CAST: variants seen among roughly 807,000 people sequenced by gnomAD.
CAST encodes the protein MIR583 host.
Under a neutral mutation model 119.6 loss-of-function variants are expected in CAST, and 76 were observed. The observed-to-expected ratio is 0.64, with a 90% CI of 0.53 to 0.77. CAST has a LOEUF of 0.77. Among genes scored for constraint, CAST ranks in the 30% least tolerant of loss-of-function variants. The pLI is 0.00. For missense variants in CAST, 953 were observed against 946.5 expected (o/e 1.01, Z -0.09); for synonymous variants, 319 against 331.6 (o/e 0.96, Z 0.41).
chr5:96,331,898 T>C, the CAST span, among the ~76,000 whole-genome samples: 1 of 152,236 alleles, frequency 6.6e-6, no homozygotes, highest in Admixed American at 6.5e-5. Context: ...GATGGGGATA[T>C]AATCATTCAT....
the CAST span, among the ~76,000 whole-genome samples, chr5:95,987,009 C>T: frequency 6.6e-6 from 1 of 152,120 alleles, no homozygotes; most frequent in Non-Finnish European, 1.5e-5. Flanking sequence ...AGTGTTCCCA[C>T]CTCTAGAAAT....
chr5:96,047,961 C>G, the CAST span, among the ~76,000 whole-genome samples: 8 of 152,044 alleles, frequency 5.3e-5, no homozygotes, highest in African/African-American at 1.9e-4. Flanking sequence ...ACAACATGTG[C>G]AAAGCCAAGT....
the CAST span, chr5:96,394,922 G>A: frequency 6.2e-7 from 1 of 1,614,124 alleles, no homozygotes; most frequent in Non-Finnish European, 8.5e-7. Context: ...AGTGTTGTAG[G>A]ACGTGTACAC....
At chr5:96,021,468 T>C in the CAST span, among the ~76,000 whole-genome samples, 21 of 151,794 alleles carry the variant, frequency 1.4e-4, no homozygotes, top group Admixed American at 2.0e-4. Flanking sequence ...TTTTTTGAGA[T>C]GGAGTCTCGC....
At chr5:96,440,173 C>G in the CAST span, among the ~76,000 whole-genome samples, 1 of 115,346 alleles carries the variant, frequency 8.7e-6, no homozygotes, top group Non-Finnish European at 1.8e-5. Flanking sequence ...GTTTATCCCA[C>G]CTTTTTTTTT....
the CAST span, among the ~76,000 whole-genome samples, chr5:96,349,432 G>T: frequency 6.6e-6 from 1 of 151,818 alleles, no homozygotes; most frequent in Admixed American, 6.6e-5. Flanking sequence ...TTAGCCTTTG[G>T]ATGCAACACA....
At chr5:96,469,413 G>T in the CAST span, among the ~76,000 whole-genome samples, 1 of 151,998 alleles carries the variant, frequency 6.6e-6, no homozygotes, top group African/African-American at 2.4e-5. Context: ...AAAATATGAA[G>T]TGGTCTCCTT....
chr5:96,679,489 C>G (rs1751090286), intron 2 of CAST: 1 of 152,174 alleles, frequency 6.6e-6, no homozygotes, highest in African/African-American at 2.4e-5. Flanking sequence ...ATGAAACTGA[C>G]ACATCCGGCC....
At chr5:95,992,700 G>A in the CAST span, among the ~76,000 whole-genome samples, 1 of 152,106 alleles carries the variant, frequency 6.6e-6, no homozygotes, top group East Asian at 1.9e-4. Context: ...TAGTGATAAT[G>A]CCAATGTTGG....
At chr5:96,571,459 T>C (rs1377657736) in intron 1 of CAST, among the ~76,000 whole-genome samples, 7 of 152,246 alleles carry the variant, frequency 4.6e-5, no homozygotes, top group Admixed American at 4.6e-4. Context: ...TCATAGTTAT[T>C]GATGGGGCTT....
the CAST span, chr5:96,433,128 C>A: frequency 7.7e-7 from 1 of 1,292,474 alleles, no homozygotes; most frequent in Non-Finnish European, 1.1e-6. Flanking sequence ...CTCCCCCTTC[C>A]CACCCTCGGG....
intron 1 of CAST, among the ~76,000 whole-genome samples, chr5:96,604,615 A>C (rs894005025): frequency 1.3e-5 from 2 of 152,236 alleles, no homozygotes; most frequent in Admixed American, 6.5e-5. Context: ...GAGTGAACAA[A>C]TGCTAAAGGA....
chr5:96,655,054 TA>T (rs1420174516), intron 1 of CAST, among the ~76,000 whole-genome samples: 2 of 152,252 alleles, frequency 1.3e-5, no homozygotes, highest in Non-Finnish European at 2.9e-5. Flanking sequence ...TGCTATTTTA[TA>T]AATACATTGT....
At chr5:96,562,242 G>C (rs1561417399) in intron 1 of CAST, among the ~76,000 whole-genome samples, 1 of 151,790 alleles carries the variant, frequency 6.6e-6, no homozygotes, top group East Asian at 1.9e-4. Context: ...AAACTCAAGA[G>C]AAATGACAAC....
the CAST span, among the ~76,000 whole-genome samples, chr5:96,516,285 T>G: frequency 6.6e-6 from 1 of 152,190 alleles, no homozygotes; most frequent in East Asian, 1.9e-4. Flanking sequence ...ACCAATACAT[T>G]GCTCTGTTCA....
intron 1 of CAST, among the ~76,000 whole-genome samples, chr5:96,537,184 G>C (rs1162088282): frequency 6.6e-6 from 1 of 152,186 alleles, no homozygotes; most frequent in Non-Finnish European, 1.5e-5. Flanking sequence ...CCCTTGCTGA[G>C]CTCTGTCCCA....
At chr5:96,454,809 C>G in the CAST span, among the ~76,000 whole-genome samples, 139 of 152,340 alleles carry the variant, frequency 9.1e-4, no homozygotes, top group Non-Finnish European at 1.5e-3. Flanking sequence ...CCCTTTTCTA[C>G]CCTTCCAATA....
chr5:96,549,356 G>C (rs932045132), intron 1 of CAST, among the ~76,000 whole-genome samples: 2 of 152,060 alleles, frequency 1.3e-5, no homozygotes, highest in African/African-American at 4.8e-5. Flanking sequence ...AACAAACTAG[G>C]CCCTTACTTT....
the CAST span, among the ~76,000 whole-genome samples, chr5:96,268,960 G>A: frequency 6.6e-6 from 1 of 152,116 alleles, no homozygotes; most frequent in African/African-American, 2.4e-5. Context: ...GAGATCTGAT[G>A]GTTTAAAAGT....
Sources: gnomAD v4.1 joint callset for allele counts (sites outside exome capture counted in the v4.1 genomes callset) on GRCh38, gnomAD v4.1.1 for gene constraint, MANE v1.5 for transcripts, NCBI Gene and HGNC (gene_info 2026-07-23, HGNC 2026-07-21) for gene names.